TRPM3: variants seen among roughly 807,000 people sequenced by gnomAD.
TRPM3 encodes the protein long transient receptor potential channel 3.
A neutral mutation model predicts 181.2 loss-of-function variants in TRPM3; 77 were observed. The observed-to-expected ratio is 0.42, with a 90% CI of 0.35 to 0.51. TRPM3 has a LOEUF of 0.51. TRPM3 is among the 20% of genes least tolerant of loss of function. The pLI, the probability that TRPM3 is intolerant of heterozygous loss-of-function variation, is 0.01. For synonymous variants in TRPM3, 745 were observed against 796.4 expected, an observed-to-expected ratio of 0.94 and a Z score of 1.09; for missense variants, 1,759 against 2,196.7, an observed-to-expected ratio of 0.80 and a Z score of 3.98.
intron 1 of TRPM3, chr9:70,917,355 C>A (rs1244852109): frequency 1.9e-6 from 2 of 1,080,544 alleles, no homozygotes; most frequent in Non-Finnish European, 2.9e-6. Context: ...ACTCCCAAGT[C>A]CAAGAGTGAA....
intron 1 of TRPM3, among the ~76,000 whole-genome samples, chr9:71,301,845 T>C (rs966291256): frequency 2.8e-4 from 42 of 152,318 alleles, no homozygotes; most frequent in Admixed American, 9.1e-4. Flanking sequence ...GCTATTAATG[T>C]AGTACCTAGC....
intron 5 of TRPM3, among the ~76,000 whole-genome samples, chr9:70,840,002 A>G (rs2094542903): frequency 6.6e-6 from 1 of 152,128 alleles, no homozygotes; most frequent in Admixed American, 6.6e-5. Context: ...AATATTTTTA[A>G]TTTGATAATT....
intron 1 of TRPM3, among the ~76,000 whole-genome samples, chr9:71,322,657 C>A (rs2089338844): frequency 6.6e-6 from 1 of 151,886 alleles, no homozygotes; most frequent in Admixed American, 6.6e-5. Context: ...ATAGAGACAA[C>A]AAAAAATCCC....
rs546720927 is a variant in TRPM3, at chr9:71,078,183, T to A, written c.177+42995A>T. On this transcript the variant is annotated intron_variant, in intron 1 of 25. Transcript: ENST00000677713. ...AACTGCAAACATCTAGAAACCATCCTCTTTAGATGATTTGTTACATAATTA... is the reference window on the plus strand; with the variant it reads ...AACTGCAAACATCTAGAAACCATCCACTTTAGATGATTTGTTACATAATTA... Among the ~76,000 whole-genome samples, 43 of 152,284 alleles carry A rather than the reference T, an allele frequency of 2.8e-4. No individual in the cohort carries two copies. The South Asian group carries it at 8.7e-3, about 31-fold the overall frequency.
At chr9:70,872,228 G>A (rs2095800754) in intron 1 of TRPM3, among the ~76,000 whole-genome samples, 1 of 152,006 alleles carries the variant, frequency 6.6e-6, no homozygotes, top group African/African-American at 2.4e-5. Context: ...AAATGAGCAT[G>A]GTTTTGTTCC....
At chr9:70,568,959 A>G (rs1213329486) in intron 22 of TRPM3, among the ~76,000 whole-genome samples, 7 of 152,230 alleles carry the variant, frequency 4.6e-5, no homozygotes, top group African/African-American at 1.7e-4. Flanking sequence ...AACCACATCT[A>G]TGTAGATAAT....
intron 1 of TRPM3, among the ~76,000 whole-genome samples, chr9:70,893,347 A>G (rs957984098): frequency 1.3e-5 from 2 of 152,158 alleles, no homozygotes; most frequent in African/African-American, 4.8e-5. Context: ...TTTCTTGTGC[A>G]TAGAAAGGAA....
chr9:71,374,551 C>T (rs940830432), intron 1 of TRPM3, among the ~76,000 whole-genome samples: 1 of 152,178 alleles, frequency 6.6e-6, no homozygotes, highest in African/African-American at 2.4e-5. Context: ...CAAGGATACC[C>T]TCTCTCACCA....
chr9:70,961,988 T>C (rs1337678364), intron 1 of TRPM3, among the ~76,000 whole-genome samples: 2 of 152,012 alleles, frequency 1.3e-5, no homozygotes, highest in South Asian at 2.1e-4. Flanking sequence ...TGATCAATAA[T>C]AGAAAATTAG....
chr9:71,059,406 C>T (rs1283036222), intron 1 of TRPM3, among the ~76,000 whole-genome samples: 2 of 151,976 alleles, frequency 1.3e-5, no homozygotes, highest in Admixed American at 6.6e-5. Flanking sequence ...ACCAAAGGAC[C>T]TAACAGTCTC....
intron 1 of TRPM3, among the ~76,000 whole-genome samples, chr9:71,144,921 C>T (rs1286990628): frequency 1.3e-5 from 2 of 151,992 alleles, no homozygotes; most frequent in Admixed American, 6.6e-5. Flanking sequence ...TAAAATAAGC[C>T]TTGGCATGCA....
At chr9:71,148,292 G>T (rs891868591) in intron 1 of TRPM3, among the ~76,000 whole-genome samples, 13 of 151,936 alleles carry the variant, frequency 8.6e-5, no homozygotes, top group Non-Finnish European at 1.8e-4. Context: ...CTAATTACTA[G>T]AAGAATATTT....
chr9:71,143,839 T>TCA (rs1021223665), intron 1 of TRPM3, among the ~76,000 whole-genome samples: 1 of 152,148 alleles, frequency 6.6e-6, no homozygotes, highest in Non-Finnish European at 1.5e-5. Context: ...CTCCCTAACC[T>TCA]CACCAGCATC....
intron 23 of TRPM3, 45 bp downstream of exon 23, chr9:70,553,115 C>T: frequency 1.2e-6 from 2 of 1,613,650 alleles, no homozygotes; most frequent in Non-Finnish European, 1.7e-6. Flanking sequence ...CCCCTTCACC[C>T]CTGCTGTCCT....
intron 1 of TRPM3, among the ~76,000 whole-genome samples, chr9:70,894,230 A>G (rs148149327): frequency 2.6e-5 from 4 of 152,320 alleles, no homozygotes; most frequent in African/African-American, 9.6e-5. Context: ...AAATGAACAT[A>G]TAGAATAACA....
upstream of TRPM3, among the ~76,000 whole-genome samples, chr9:71,126,271 A>T (rs1460274403): frequency 6.6e-6 from 1 of 152,198 alleles, no homozygotes; most frequent in Non-Finnish European, 1.5e-5. Flanking sequence ...ACGCTTTTAC[A>T]CTGTTGGTGG....
intron 1 of TRPM3, among the ~76,000 whole-genome samples, chr9:71,357,522 G>T (rs78519304): frequency 3.3e-5 from 5 of 152,002 alleles, no homozygotes; most frequent in African/African-American, 1.2e-4. Flanking sequence ...GCTTTGGCAG[G>T]AATTTGCATC....
chr9:71,011,463 T>C lies in TRPM3; in HGVS notation c.177+109715A>G, dbSNP rs539788918. 5.9e-5 allele frequency among the ~76,000 whole-genome samples: 9 copies of C among 152,174 alleles called. No individual in the cohort carries two copies. In the South Asian group the frequency reaches 1.2e-3, roughly 21 times the overall value. On this transcript the variant is annotated intron_variant, in intron 1 of 25. Transcript: ENST00000677713. Reference sequence around the variant, plus strand: ...ATCATTTTTTAAATTATAAAATAAATAAAAGAGACTACTTGCACAGTATTT... The same window carrying C: ...ATCATTTTTTAAATTATAAAATAAACAAAAGAGACTACTTGCACAGTATTT...
chr9:70,899,481 C>T (rs1211096802), intron 1 of TRPM3, among the ~76,000 whole-genome samples: 2 of 152,118 alleles, frequency 1.3e-5, no homozygotes, highest in Non-Finnish European at 2.9e-5. Flanking sequence ...GCTACAGGAC[C>T]ACTTGCAAGT....
Sources: allele counts gnomAD v4.1 joint callset (sites outside exome capture counted in the v4.1 genomes callset), GRCh38; gene constraint gnomAD v4.1.1; transcripts MANE v1.5; gene names NCBI Gene and HGNC (gene_info 2026-07-23, HGNC 2026-07-21).